The following CDH18 variants were observed in gnomAD, a reference collection of about 807,000 sequenced individuals.
CDH18 encodes the protein cadherin-18.
Under a neutral mutation model 67.9 loss-of-function variants are expected in CDH18, and 31 were observed. The ratio of observed to expected loss-of-function variants is 0.46; its 90% confidence interval spans 0.34 to 0.62. The LOEUF (loss-of-function observed/expected upper bound fraction) is 0.62, where lower values mean the gene tolerates loss of function less well. CDH18 is among the 20% of genes least tolerant of loss of function. The probability of loss-of-function intolerance (pLI) is 0.01; values close to 1 mark genes in which losing one functional copy is unlikely to be tolerated. For synonymous variants in CDH18, 362 were observed against 347.2 expected (o/e 1.04, Z -0.48); for missense variants, 890 against 975.5 (o/e 0.91, Z 1.17).
At chr5:20,031,398 T>C (rs1280788724) in intron 2 of CDH18, among the ~76,000 whole-genome samples, 1 of 152,116 alleles carries the variant, frequency 6.6e-6, no homozygotes, top group African/African-American at 2.4e-5. Flanking sequence ...TTCGGTATGC[T>C]AGCTTGGCAA....
chr5:19,759,011 T>A (rs1415960244), intron 3 of CDH18, among the ~76,000 whole-genome samples: 2 of 152,238 alleles, frequency 1.3e-5, no homozygotes, highest in Non-Finnish European at 2.9e-5. Flanking sequence ...AGCAAAGGTA[T>A]ATTGCTGGCC....
chr5:19,915,791 TC>T (rs1791707325), intron 2 of CDH18, among the ~76,000 whole-genome samples: 1 of 152,030 alleles, frequency 6.6e-6, no homozygotes, highest in Non-Finnish European at 1.5e-5. Flanking sequence ...GTTTTGTTTT[TC>T]TAATTTTCTA....
intron 2 of CDH18, among the ~76,000 whole-genome samples, chr5:19,977,948 GA>G (rs1798661523): frequency 6.6e-6 from 1 of 152,042 alleles, no homozygotes; most frequent in African/African-American, 2.4e-5. Context: ...TTGAGCTATA[GA>G]ATATTCTACT....
intron 6 of CDH18, among the ~76,000 whole-genome samples, chr5:19,594,943 T>C (rs912890630): frequency 1.3e-5 from 2 of 152,008 alleles, no homozygotes; most frequent in African/African-American, 4.8e-5. Context: ...GCCAGAGCAA[T>C]TAGGCATTTA....
chr5:19,489,350 C>T (rs192998985), intron 11 of CDH18, among the ~76,000 whole-genome samples: 2,246 of 150,306 alleles, frequency 0.015, 20 homozygotes, highest in Non-Finnish European at 0.019. Flanking sequence ...CGGGTTCAAG[C>T]GATTCTCCTG....
intron 1 of CDH18, among the ~76,000 whole-genome samples, chr5:20,526,206 G>A (rs989479390): frequency 3.3e-5 from 5 of 152,082 alleles, no homozygotes; most frequent in Non-Finnish European, 7.3e-5. Context: ...ACCAGGCAGG[G>A]CCTCCCTGTA....
intron 5 of CDH18, among the ~76,000 whole-genome samples, chr5:19,691,417 A>G (rs147400939): frequency 3.0e-4 from 46 of 152,018 alleles, no homozygotes; most frequent in African/African-American, 1.1e-3. Context: ...GAAGAAATAA[A>G]AGGCAGACAA....
intron 6 of CDH18, 68 bp downstream of exon 6, chr5:19,612,366 C>G: frequency 6.8e-7 from 1 of 1,467,658 alleles, no homozygotes; most frequent in Non-Finnish European, 9.5e-7. Flanking sequence ...TAACACTGTT[C>G]AAGTATTTCA....
At chr5:19,935,795 A>ACTCTCTCTCTCTCTCTCTCT (rs70954623) in intron 2 of CDH18, among the ~76,000 whole-genome samples, 1 of 117,314 alleles carries the variant, frequency 8.5e-6, no homozygotes, top group African/African-American at 3.1e-5. Flanking sequence ...ACAGTCAGGA[A>ACTCTCTCTCTCTCTCTCTCT]CTCTCTCTCT....
At chr5:20,337,008 C>G (rs10461760) in intron 1 of CDH18, among the ~76,000 whole-genome samples, 9,541 of 152,188 alleles carry the variant, frequency 0.063, 427 homozygotes, top group South Asian at 0.15. Flanking sequence ...TTTACCCCTC[C>G]CATTTGGGCA....
chr5:19,954,472 T>C (rs570286129), intron 2 of CDH18, among the ~76,000 whole-genome samples: 1 of 152,106 alleles, frequency 6.6e-6, no homozygotes, highest in African/African-American at 2.4e-5. Context: ...CTACAAAATA[T>C]CCCAAATTAG....
intron 3 of CDH18, among the ~76,000 whole-genome samples, chr5:19,771,309 C>A (rs2149739772): frequency 6.6e-6 from 1 of 152,310 alleles, no homozygotes; most frequent in East Asian, 1.9e-4. Flanking sequence ...TGGCTTCTGT[C>A]ATGCTTACTC....
rs184623184 is a variant in CDH18 at position 19,999,338 on chromosome 5, G to A, written c.-517-7324C>T. The stretch of plus-strand genomic sequence containing the variant: ...GACGCAACCGGGCAGGGTGACTCAC[G>A]CCTATGATCCTAGCACTTTGGAAGG... On this transcript the variant is annotated intron_variant, in intron 2 of 14. Coordinates refer to the CDH18 transcript ENST00000507958. 2.0e-4 allele frequency among the ~76,000 whole-genome samples: 30 copies of A among 152,148 alleles called. No individual in the cohort carries two copies. In the East Asian group the frequency reaches 5.6e-3, roughly 28 times the overall value.
At chr5:20,323,013 A>G (rs114954959) in intron 1 of CDH18, among the ~76,000 whole-genome samples, 1 of 151,976 alleles carries the variant, frequency 6.6e-6, no homozygotes, top group Non-Finnish European at 1.5e-5. Context: ...AATAGGTTTT[A>G]AAAAAAAGCA....
At chr5:19,659,316 A>G (rs372237360) in intron 5 of CDH18, among the ~76,000 whole-genome samples, 4 of 152,264 alleles carry the variant, frequency 2.6e-5, no homozygotes, top group East Asian at 1.9e-4. Context: ...GATTCTGAAC[A>G]TTTATGGCAT....
In CDH18 at chr5:19,836,628, C is replaced by G. The variant is rs554386855; in HGVS notation, c.228+2131G>C. Among the ~76,000 whole-genome samples the G allele has an allele frequency of 6.9e-4, 105 of 152,250 alleles. 3 individuals are homozygous for G. The South Asian group carries it at 0.019, about 27-fold the overall frequency. The stretch of plus-strand genomic sequence containing the variant: ...TCCCATTCTTTAGGTTGCCTGTTCA[C>G]TCTGATGATAGCTTCTTTTGCTGTG... On this transcript the variant is annotated intron_variant, in intron 3 of 12. Coordinates refer to ENST00000382275, the MANE Select transcript of CDH18 (RefSeq NM_004934.5).
intron 1 of CDH18, among the ~76,000 whole-genome samples, chr5:20,411,957 C>T (rs529254483): frequency 6.6e-6 from 1 of 152,128 alleles, no homozygotes; most frequent in African/African-American, 2.4e-5. Flanking sequence ...AGTCATACTG[C>T]TGAAAGCAAT....
At chr5:19,885,265 C>T (rs1788075097) in intron 2 of CDH18, among the ~76,000 whole-genome samples, 1 of 152,142 alleles carries the variant, frequency 6.6e-6, no homozygotes, top group African/African-American at 2.4e-5. Context: ...TATATTAAAA[C>T]AGCATGTACT....
At chr5:19,938,913 C>T (rs972695071) in intron 2 of CDH18, among the ~76,000 whole-genome samples, 1 of 150,710 alleles carries the variant, frequency 6.6e-6, no homozygotes, top group Non-Finnish European at 1.5e-5. Context: ...AAGAAATGTT[C>T]CAAATGTATT....
Sources: gnomAD v4.1 joint callset for allele counts (sites outside exome capture counted in the v4.1 genomes callset) on GRCh38, gnomAD v4.1.1 for gene constraint, MANE v1.5 for transcripts, NCBI Gene and HGNC (gene_info 2026-07-23, HGNC 2026-07-21) for gene names.